The following TENM3 variants were observed in gnomAD, a reference collection of about 807,000 sequenced individuals.
TENM3 encodes the protein teneurin transmembrane protein 3.
Under a neutral mutation model 255.1 loss-of-function variants are expected in TENM3, and 63 were observed. That is an observed-to-expected ratio of 0.25 (90% CI 0.20 to 0.30). The LOEUF is 0.30. Among genes scored for constraint, TENM3 ranks in the 10% least tolerant of loss-of-function variants. The pLI is 1.00. For synonymous variants in TENM3, 1,306 were observed against 1,322.3 expected, an observed-to-expected ratio of 0.99 and a Z score of 0.27; for missense variants, 2,929 against 3,461.1, an observed-to-expected ratio of 0.85 and a Z score of 3.86.
the TENM3 span, among the ~76,000 whole-genome samples, chr4:181,864,110 T>A: frequency 1.3e-5 from 2 of 152,254 alleles, no homozygotes; most frequent in South Asian, 4.1e-4. Context: ...AGTTCTCAGT[T>A]AATTCTGGTA....
rs1354484608 is a variant in TENM3 at position 182,560,095 on chromosome 4, T to TA, written c.512-40822dup. On this transcript the variant is annotated intron_variant, in intron 3 of 27. Coordinates refer to ENST00000511685, the MANE Select transcript of TENM3 (RefSeq NM_001080477.4). ...TTAAAAAAAGGTTTTTTTTTTTTTTTAAAAAAAGAGTAACTATCCCCACAA... is the reference window on the plus strand; with the variant it reads ...TTAAAAAAAGGTTTTTTTTTTTTTTTAAAAAAAAGAGTAACTATCCCCACAA... 1.2e-3 allele frequency among the ~76,000 whole-genome samples: 185 copies of TA among 149,350 alleles called. 1 individual carries two copies. The highest frequency in any genetic ancestry group is 0.011 in the South Asian group (51 of 4,714).
the TENM3 span, among the ~76,000 whole-genome samples, chr4:181,810,508 G>C: frequency 6.6e-6 from 1 of 151,892 alleles, no homozygotes; most frequent in Admixed American, 6.6e-5. Flanking sequence ...TGTTTCTGCT[G>C]TAATAGGTTT....
chr4:181,518,588 C>T, the TENM3 span, among the ~76,000 whole-genome samples: 2 of 152,010 alleles, frequency 1.3e-5, no homozygotes, highest in African/African-American at 2.4e-5. Context: ...CCACCATGCC[C>T]GGATAATTTT....
the TENM3 span, among the ~76,000 whole-genome samples, chr4:182,121,132 G>A: frequency 1.3e-5 from 2 of 151,922 alleles, no homozygotes; most frequent in Non-Finnish European, 2.9e-5. Context: ...CCGAGTAGCT[G>A]GGATTACAGG....
At chr4:182,466,259 C>T (rs1404179986) in intron 3 of TENM3, among the ~76,000 whole-genome samples, 1 of 152,190 alleles carries the variant, frequency 6.6e-6, no homozygotes, top group East Asian at 1.9e-4. Flanking sequence ...AGAGGCTAGA[C>T]ATCCAAAATC....
At chr4:182,476,006 T>C (rs888247774) in intron 3 of TENM3, among the ~76,000 whole-genome samples, 1 of 152,200 alleles carries the variant, frequency 6.6e-6, no homozygotes, top group Admixed American at 6.5e-5. Flanking sequence ...GTATTTTGTG[T>C]AAATTACTTA....
At chr4:181,940,061 G>T in the TENM3 span, among the ~76,000 whole-genome samples, 1 of 152,052 alleles carries the variant, frequency 6.6e-6, no homozygotes, top group Admixed American at 6.5e-5. Flanking sequence ...GATTCCTTCG[G>T]GATTTTTGCT....
At chr4:181,756,831 GC>G in the TENM3 span, among the ~76,000 whole-genome samples, 1 of 152,186 alleles carries the variant, frequency 6.6e-6, no homozygotes, top group Non-Finnish European at 1.5e-5. Context: ...CTCCTTCTGT[GC>G]CCTGGGGATT....
At chr4:181,911,150 C>T in the TENM3 span, among the ~76,000 whole-genome samples, 1 of 152,162 alleles carries the variant, frequency 6.6e-6, no homozygotes, top group Non-Finnish European at 1.5e-5. Context: ...GTAATTTGGT[C>T]AGAACACATG....
At chr4:181,718,259 A>G in the TENM3 span, among the ~76,000 whole-genome samples, 10 of 152,172 alleles carry the variant, frequency 6.6e-5, no homozygotes, top group Non-Finnish European at 1.2e-4. Context: ...TTGGAATTGG[A>G]TCTTTTTCTC....
chr4:182,186,784 TA>T (rs1753185001), intron 1 of TENM3, among the ~76,000 whole-genome samples: 1 of 75,908 alleles, frequency 1.3e-5, no homozygotes, highest in African/African-American at 5.3e-5. Context: ...TATATATATA[TA>T]TATATATATA....
chr4:181,509,922 G>C, the TENM3 span, among the ~76,000 whole-genome samples: 1 of 152,212 alleles, frequency 6.6e-6, no homozygotes, highest in Non-Finnish European at 1.5e-5. Flanking sequence ...ATCAGAGTTA[G>C]AGAGTAAAAT....
intron 3 of TENM3, among the ~76,000 whole-genome samples, chr4:182,427,797 C>T (rs1046753547): frequency 3.3e-5 from 5 of 152,082 alleles, no homozygotes; most frequent in African/African-American, 1.2e-4. Context: ...ACAGTATGGA[C>T]CCAGAAATCT....
the TENM3 span, among the ~76,000 whole-genome samples, chr4:181,898,626 T>C: frequency 6.6e-6 from 1 of 152,198 alleles, no homozygotes; most frequent in Admixed American, 6.5e-5. Context: ...TTCATCTTTC[T>C]GAATTAAGAT....
At chr4:182,634,895 T>C (rs891164208) in intron 5 of TENM3, among the ~76,000 whole-genome samples, 1 of 152,192 alleles carries the variant, frequency 6.6e-6, no homozygotes, top group African/African-American at 2.4e-5. Context: ...GTCAATGTTA[T>C]ACACATAGAA....
chr4:182,430,930 T>G (rs970898329), intron 3 of TENM3, among the ~76,000 whole-genome samples: 1 of 151,782 alleles, frequency 6.6e-6, no homozygotes, highest in African/African-American at 2.4e-5. Flanking sequence ...GAGAATCACT[T>G]GAACCCAGGA....
chr4:181,547,035 A>ACC, the TENM3 span, among the ~76,000 whole-genome samples: 2 of 151,974 alleles, frequency 1.3e-5, no homozygotes, highest in African/African-American at 4.8e-5. Context: ...AAATGATCCT[A>ACC]CCCCCATTTT....
intron 1 of TENM3, among the ~76,000 whole-genome samples, chr4:182,213,342 C>G (rs1755183314): frequency 6.6e-6 from 1 of 152,066 alleles, no homozygotes; most frequent in African/African-American, 2.4e-5. Flanking sequence ...TGTGAATTAC[C>G]ATGCCACCCA....
the TENM3 span, among the ~76,000 whole-genome samples, chr4:181,594,050 A>G: frequency 6.7e-6 from 1 of 150,142 alleles, no homozygotes; most frequent in Non-Finnish European, 1.5e-5. Context: ...TCCATAGATC[A>G]GTGAATACAG....
Sources: allele counts gnomAD v4.1 joint callset (sites outside exome capture counted in the v4.1 genomes callset), GRCh38; gene constraint gnomAD v4.1.1; transcripts MANE v1.5; gene names NCBI Gene and HGNC (gene_info 2026-07-23, HGNC 2026-07-21).